ZNF564: variants seen among roughly 807,000 people sequenced by gnomAD.
ZNF564 encodes the protein zinc finger protein 564.
A neutral mutation model predicts 10.5 loss-of-function variants in ZNF564; 5 were observed. That is an observed-to-expected ratio of 0.48 (90% CI 0.25 to 1.00). The LOEUF (loss-of-function observed/expected upper bound fraction) is 1.00, where lower values mean the gene tolerates loss of function less well. Ranked by LOEUF, ZNF564 falls within the 50% of genes least tolerant of loss-of-function variation. The pLI is 0.16. For synonymous variants in ZNF564, 242 were observed against 218.1 expected, an observed-to-expected ratio of 1.11 and a Z score of -0.97; for missense variants, 603 against 669.7, an observed-to-expected ratio of 0.90 and a Z score of 1.10.
At chr19:12,543,359 G>GGGGAAA (rs1362313458) in intron 1 of ZNF564, among the ~76,000 whole-genome samples, 2 of 148,614 alleles carry the variant, frequency 1.3e-5, no homozygotes, top group African/African-American at 2.5e-5. Context: ...GGAAGGGGAA[G>GGGGAAA]GGGAAAGGGA....
chr19:12,548,651 T>A (rs977247223), intron 1 of ZNF564: 2 of 594,808 alleles, frequency 3.4e-6, no homozygotes, highest in African/African-American at 3.7e-5. Context: ...GACATTTGTA[T>A]TCTATAGCTT....
chr19:12,528,058 C>A, intron 3 of ZNF564, 142 bp from the exon 4 acceptor site: 1 of 993,806 alleles, frequency 1.0e-6, no homozygotes, highest in Non-Finnish European at 1.5e-6. Flanking sequence ...GGATGGAATG[C>A]TCTGCAAGAG....
At chr19:12,536,128 A>G (rs920633496) in intron 1 of ZNF564, among the ~76,000 whole-genome samples, 3 of 152,156 alleles carry the variant, frequency 2.0e-5, no homozygotes, top group African/African-American at 4.8e-5. Context: ...TCTGTTACAA[A>G]AAGTTAAAAT....
intron 1 of ZNF564, among the ~76,000 whole-genome samples, chr19:12,538,757 T>C (rs2021970552): frequency 6.6e-6 from 1 of 151,940 alleles, no homozygotes; most frequent in Admixed American, 6.6e-5. Flanking sequence ...TACAGTGAGC[T>C]ATGATTGCGC....
In ZNF564 at chr19:12,527,318, G is replaced by A. The variant is rs554040776; in HGVS notation, c.790C>T (p.Arg264Cys). ...KCQECGKAFD[R>C]PSLFRIHERT... is the part of the protein sequence containing the mutation. ...TCATGTATTCGAAATAAACTGGGGC[G>A]GTCAAAGGCTTTTCCACATTCCTGA... The change falls in exon 4 of 4, where the codon CGC (arginine) becomes TGC (cysteine). Residue 264 changes from arginine to cysteine, a missense_variant. By Grantham distance (180) the Arg-to-Cys change is radical. Coordinates refer to ENST00000339282, the MANE Select transcript of ZNF564 (RefSeq NM_144976.4). 62 of 1,605,048 alleles carry A rather than the reference G, an allele frequency of 3.9e-5. No individual in the cohort carries two copies. The highest frequency in any genetic ancestry group is 1.7e-4 in the Middle Eastern group (1 of 6,038).
chr19:12,536,385 C>T (rs1255520494), intron 1 of ZNF564, among the ~76,000 whole-genome samples: 1 of 152,122 alleles, frequency 6.6e-6, no homozygotes, highest in African/African-American at 2.4e-5. Context: ...TCATGTTGCC[C>T]AGGCTGGTCT....
chr19:12,526,316 A>C lies in ZNF564; in HGVS notation c.*130T>G. ...CCAAAATATGAGACAGGCACAGGAT[A>C]GAGATTCCTATTCCAAAAGTGAGAA... On this transcript the variant is annotated 3_prime_UTR_variant, in exon 4 of 4. Coordinates refer to ENST00000339282, the MANE Select transcript of ZNF564 (RefSeq NM_144976.4). The C allele has an allele frequency of 8.5e-6, 8 of 941,634 alleles. No homozygotes were observed. Among genetic ancestry groups the C allele is most frequent in the Non-Finnish European group, 1.1e-5 (7 of 638,962 alleles). 58.3% of individuals were successfully genotyped at this position (941,634 alleles called of 1,614,324 possible).
Position 12,526,383 on chromosome 19 carries a change from G to A in ZNF564, c.*63C>T, listed in dbSNP as rs1349784077. On this transcript the variant is annotated 3_prime_UTR_variant, in exon 4 of 4. Transcript: ENST00000339282. ...AGCTCCCAAACAAGTCTGAAACCCA[G>A]AAAGCAAACTGAAGACTTTCCATAT... The A allele has an allele frequency of 6.8e-5, 102 of 1,498,428 alleles. No homozygotes were observed. In the East Asian group the frequency reaches 2.3e-3, roughly 33 times the overall value. The allele number at this position is 1,498,428 out of a possible 1,614,324, so 92.8% of individuals were successfully genotyped here. A position where few individuals can be genotyped will look rare whatever the true frequency, so the allele number is the denominator to read the frequency against.
At position 12,551,383 on chromosome 19, in the gene ZNF564, T is replaced by C. The variant is rs766656503; in HGVS notation, c.-51A>G. 3.2e-6 allele frequency: 5 copies of C among 1,549,996 alleles called. No homozygotes were observed. Among genetic ancestry groups the C allele is most frequent in the Non-Finnish European group, 3.5e-6 (4 of 1,145,442 alleles). ...GTCCTGCCTACGGCTCTCTCCGGCC[T>C]GTGCAGGTCCCAGCGCGCCAGACGC... On this transcript the variant is annotated 5_prime_UTR_variant, in exon 1 of 4. Transcript: ENST00000339282.
intron 1 of ZNF564, 93 bp downstream of exon 1, chr19:12,551,237 C>T (rs1407894901): frequency 7.0e-7 from 1 of 1,436,058 alleles, no homozygotes; most frequent in Non-Finnish European, 9.6e-7. Context: ...CCTGGAGTCG[C>T]TGCAGGGAGG....
intron 1 of ZNF564, chr19:12,541,384 C>T (rs1219949170): frequency 6.6e-6 from 1 of 151,730 alleles, no homozygotes; most frequent in Non-Finnish European, 1.5e-5. Context: ...CCCATCTCCA[C>T]TAAAAATACA....
chr19:12,547,807 C>T (rs2022180689), intron 1 of ZNF564, among the ~76,000 whole-genome samples: 1 of 150,112 alleles, frequency 6.7e-6, no homozygotes. Flanking sequence ...ACTATATTCA[C>T]TTACTTTTTT....
intron 1 of ZNF564, among the ~76,000 whole-genome samples, chr19:12,533,727 C>CAAAAAAAAAAAA (rs59631972): frequency 3.4e-5 from 1 of 29,170 alleles, no homozygotes; most frequent in African/African-American, 1.7e-4. Context: ...CTGCTGTCTC[C>CAAAAAAAAAAAA]AAAAAAAAAA....
chr19:12,538,202 A>G (rs967726779), intron 1 of ZNF564, among the ~76,000 whole-genome samples: 2 of 152,066 alleles, frequency 1.3e-5, no homozygotes, highest in African/African-American at 4.8e-5. Flanking sequence ...ATATAAAATA[A>G]TATTAGCTCG....
chr19:12,542,501 G>A (rs540602307), intron 1 of ZNF564, among the ~76,000 whole-genome samples: 1 of 151,842 alleles, frequency 6.6e-6, no homozygotes, highest in South Asian at 2.1e-4. Flanking sequence ...CGTGTCTGTA[G>A]TCCCAGCTAC....
chr19:12,528,773 T>C, intron 1 of ZNF564, 77 bp from the exon 2 acceptor site: 1 of 1,493,338 alleles, frequency 6.7e-7, no homozygotes, highest in Non-Finnish European at 9.0e-7. Context: ...TTCATAAAAG[T>C]TCACAAATGG....
intron 1 of ZNF564, among the ~76,000 whole-genome samples, chr19:12,546,850 T>C (rs1422345863): frequency 6.6e-6 from 1 of 152,186 alleles, no homozygotes; most frequent in African/African-American, 2.4e-5. Context: ...CCAACCTTAA[T>C]GGTTAAGTTT....
chr19:12,530,878 CTCCT>C (rs1172428314), intron 1 of ZNF564, among the ~76,000 whole-genome samples: 1 of 152,128 alleles, frequency 6.6e-6, no homozygotes, highest in Non-Finnish European at 1.5e-5. Flanking sequence ...GTGATCCTCC[CTCCT>C]GAGTCTCTCA....
chr19:12,534,719 CAGG>C (rs1397956074), intron 1 of ZNF564, among the ~76,000 whole-genome samples: 3 of 152,058 alleles, frequency 2.0e-5, no homozygotes, highest in Non-Finnish European at 4.4e-5. Flanking sequence ...GAGGCTGAAG[CAGG>C]AGAATTGTCT....
Sources: gnomAD v4.1 joint callset for allele counts (sites outside exome capture counted in the v4.1 genomes callset) on GRCh38, gnomAD v4.1.1 for gene constraint, MANE v1.5 for transcripts, NCBI Gene and HGNC (gene_info 2026-07-23, HGNC 2026-07-21) for gene names.